Variants in FHIT observed in about 807,000 individuals in gnomAD.
The protein encoded by FHIT is bis(5'-adenosyl)-triphosphatase.
In FHIT, 19 loss-of-function variants were observed where a neutral mutation model predicts 17.9. The observed-to-expected ratio is 1.06, with a 90% CI of 0.74 to 1.56. The LOEUF is 1.56. FHIT is among the 40% of genes most tolerant of loss of function. The probability of loss-of-function intolerance (pLI) is 0.00; values close to 1 mark genes in which losing one functional copy is unlikely to be tolerated. For missense variants in FHIT, 248 were observed against 189.2 expected (o/e 1.31, Z -1.82); for synonymous variants, 81 against 69.7 (o/e 1.16, Z -0.81).
At chr3:59,941,837 G>C (rs1204623657) in intron 7 of FHIT, among the ~76,000 whole-genome samples, 1 of 152,204 alleles carries the variant, frequency 6.6e-6, no homozygotes, top group Non-Finnish European at 1.5e-5. Context: ...GTAGGATATA[G>C]TGTGTTAAGG....
At chr3:59,824,484 T>G (rs1431590963) in intron 8 of FHIT, among the ~76,000 whole-genome samples, 2 of 152,254 alleles carry the variant, frequency 1.3e-5, no homozygotes, top group Non-Finnish European at 2.9e-5. Flanking sequence ...TATAATAATA[T>G]TTTTGAGTAT....
intron 5 of FHIT, among the ~76,000 whole-genome samples, chr3:60,221,883 C>A (rs1305559356): frequency 6.6e-6 from 1 of 151,818 alleles, no homozygotes; most frequent in Non-Finnish European, 1.5e-5. Context: ...TTTAATTAGG[C>A]CTAGTAGAGT....
At chr3:60,135,779 C>G (rs2107282168) in intron 5 of FHIT, among the ~76,000 whole-genome samples, 1 of 152,232 alleles carries the variant, frequency 6.6e-6, no homozygotes, top group Non-Finnish European at 1.5e-5. Flanking sequence ...AAATGCTGAT[C>G]TTCTCACATG....
At chr3:59,866,318 T>C (rs953460203) in intron 8 of FHIT, among the ~76,000 whole-genome samples, 1 of 151,610 alleles carries the variant, frequency 6.6e-6, no homozygotes, top group Non-Finnish European at 1.5e-5. Flanking sequence ...GCTTAACGTG[T>C]CCAAGAATAG....
chr3:60,454,497 G>A (rs1171323242), intron 5 of FHIT, among the ~76,000 whole-genome samples: 2 of 151,190 alleles, frequency 1.3e-5, no homozygotes, highest in Admixed American at 6.6e-5. Flanking sequence ...CAATTCTCCT[G>A]CCTCAGCCTC....
chr3:59,850,050 T>C (rs908222299), intron 8 of FHIT, among the ~76,000 whole-genome samples: 3 of 152,204 alleles, frequency 2.0e-5, no homozygotes, highest in Non-Finnish European at 4.4e-5. Flanking sequence ...TGAAATGATC[T>C]GCTAGGACCA....
At chr3:61,145,210 G>A (rs1423414880) in intron 2 of FHIT, among the ~76,000 whole-genome samples, 2 of 152,058 alleles carry the variant, frequency 1.3e-5, no homozygotes, top group African/African-American at 4.8e-5. Flanking sequence ...GCTAATTGTT[G>A]TGTATGGTGT....
intron 3 of FHIT, among the ~76,000 whole-genome samples, chr3:60,979,385 C>G (rs1710392341): frequency 6.6e-6 from 1 of 152,200 alleles, no homozygotes. Context: ...CTCCAACCTT[C>G]CCACATCAGC....
intron 8 of FHIT, among the ~76,000 whole-genome samples, chr3:59,825,441 G>T (rs974440026): frequency 5.3e-5 from 8 of 152,298 alleles, no homozygotes; most frequent in African/African-American, 1.7e-4. Flanking sequence ...GTTCAAAGGA[G>T]AAATAAATCC....
chr3:60,097,089 G>C (rs1178766443), intron 5 of FHIT, among the ~76,000 whole-genome samples: 1 of 149,860 alleles, frequency 6.7e-6, no homozygotes. Context: ...TCCATGTAGA[G>C]TACCAGGTGG....
intron 8 of FHIT, among the ~76,000 whole-genome samples, chr3:59,912,965 A>G (rs1421447047): frequency 2.6e-5 from 4 of 152,248 alleles, no homozygotes; most frequent in Non-Finnish European, 5.9e-5. Context: ...CTCCAAAAGG[A>G]TGACCTTGGG....
chr3:59,794,740 G>C (rs1699708010), intron 8 of FHIT, among the ~76,000 whole-genome samples: 1 of 152,112 alleles, frequency 6.6e-6, no homozygotes, highest in African/African-American at 2.4e-5. Flanking sequence ...CAAATCCTTT[G>C]AGGTCAGAGC....
intron 7 of FHIT, among the ~76,000 whole-genome samples, chr3:60,009,166 TGTGTGTG>T (rs1700040088): frequency 5.3e-4 from 2 of 3,760 alleles, no homozygotes; most frequent in South Asian, 9.8e-3. Flanking sequence ...TGGGATTTTA[TGTGTGTG>T]TGTGTGTGTG....
intron 7 of FHIT, among the ~76,000 whole-genome samples, chr3:59,960,566 T>C (rs944646837): frequency 7.0e-6 from 1 of 142,254 alleles, no homozygotes; most frequent in African/African-American, 2.6e-5. Context: ...GGAGACATTA[T>C]CTTGACAGTC....
chr3:60,965,136 A>T (rs62268660), intron 3 of FHIT, among the ~76,000 whole-genome samples: 37,782 of 151,346 alleles, frequency 0.25, 5,938 homozygotes, highest in East Asian at 0.62. Context: ...ATTTCTTTTT[A>T]CTCTTTTTTC....
chr3:60,824,421 G>C (rs73109683), intron 3 of FHIT, among the ~76,000 whole-genome samples: 3,851 of 152,208 alleles, frequency 0.025, 61 homozygotes, highest in Non-Finnish European at 0.037. Flanking sequence ...TGCCAGACCA[G>C]CCAAAGATAT....
chr3:59,971,529 G>A (rs1394857713), intron 7 of FHIT, among the ~76,000 whole-genome samples: 2 of 152,100 alleles, frequency 1.3e-5, no homozygotes, highest in East Asian at 3.9e-4. Flanking sequence ...ATAATCAATT[G>A]AAGAATTTAA....
At chr3:60,667,375 T>C (rs2040405550) in intron 4 of FHIT, among the ~76,000 whole-genome samples, 1 of 152,154 alleles carries the variant, frequency 6.6e-6, no homozygotes, top group Non-Finnish European at 1.5e-5. Flanking sequence ...CTCTTATCTC[T>C]AATTAACAGT....
chr3:60,036,750 T>C (rs188414176), intron 5 of FHIT, among the ~76,000 whole-genome samples: 5 of 152,228 alleles, frequency 3.3e-5, no homozygotes, highest in Non-Finnish European at 5.9e-5. Flanking sequence ...CAGAAGTAAC[T>C]GCCCAGTCAA....
Sources: gnomAD v4.1 joint callset for allele counts (sites outside exome capture counted in the v4.1 genomes callset) on GRCh38, gnomAD v4.1.1 for gene constraint, MANE v1.5 for transcripts, NCBI Gene and HGNC (gene_info 2026-07-23, HGNC 2026-07-21) for gene names.